The following SAE1 variants were observed in gnomAD, a reference collection of about 807,000 sequenced individuals.
SAE1 encodes SUMO-activating enzyme subunit 1.
SAE1 carries 11 observed loss-of-function variants against 40.6 expected under a neutral mutation model. The ratio of observed to expected loss-of-function variants is 0.27; its 90% CI spans 0.17 to 0.45. SAE1 has a LOEUF of 0.45. Among genes scored for constraint, SAE1 ranks in the 20% least tolerant of loss-of-function variants. The pLI is 1.00. For missense variants in SAE1, 373 were observed against 427.3 expected (o/e 0.87, Z 1.12); for synonymous variants, 155 against 154.3 (o/e 1.00, Z -0.03).
At chr19:47,143,360 C>T (rs1568586475) in intron 1 of SAE1, 134 bp from the exon 2 acceptor site, 1 of 650,454 alleles carries the variant, frequency 1.5e-6, no homozygotes. Flanking sequence ...CTATCTCAGC[C>T]TCCTAAAGTG....
intron 1 of SAE1, among the ~76,000 whole-genome samples, chr19:47,141,296 C>T (rs542954345): frequency 6.6e-6 from 1 of 152,300 alleles, no homozygotes; most frequent in Non-Finnish European, 1.5e-5. Context: ...GCCCCCACGC[C>T]TGGCCATAAT....
chr19:47,153,191 C>T (rs1333924211), intron 4 of SAE1, 151 bp downstream of exon 4: 2 of 615,474 alleles, frequency 3.2e-6, no homozygotes, highest in Non-Finnish European at 5.1e-6. Flanking sequence ...GATCCTCCCA[C>T]CTTGGCCTCC....
intron 1 of SAE1, among the ~76,000 whole-genome samples, chr19:47,134,986 A>G (rs1003840620): frequency 5.7e-4 from 87 of 152,088 alleles, no homozygotes; most frequent in African/African-American, 2.0e-3. Context: ...TAGAGAGTTT[A>G]TTAAAGTGTT....
intron 1 of SAE1, among the ~76,000 whole-genome samples, chr19:47,131,747 C>T (rs1053901704): frequency 7.5e-5 from 10 of 133,386 alleles, no homozygotes; most frequent in Non-Finnish European, 1.4e-4. Flanking sequence ...GTCGCCCAGG[C>T]TGGAGGGCAG....
At chr19:47,193,531 G>A (rs1348937749) in intron 6 of SAE1, among the ~76,000 whole-genome samples, 2 of 149,238 alleles carry the variant, frequency 1.3e-5, no homozygotes, top group Non-Finnish European at 3.0e-5. Context: ...TTTTTTTAAA[G>A]AAATTACCAG....
intron 6 of SAE1, among the ~76,000 whole-genome samples, chr19:47,178,595 T>TC (rs1219764766): frequency 1.3e-5 from 2 of 152,180 alleles, no homozygotes; most frequent in Non-Finnish European, 2.9e-5. Flanking sequence ...TGCCTCAGCC[T>TC]CCAAGTAGTG....
At chr19:47,165,997 TTC>T (rs1276768876) in intron 5 of SAE1, among the ~76,000 whole-genome samples, 1 of 152,228 alleles carries the variant, frequency 6.6e-6, no homozygotes, top group African/African-American at 2.4e-5. Context: ...CTGTGCCCAC[TTC>T]TGGCTGTCAC....
intron 5 of SAE1, among the ~76,000 whole-genome samples, chr19:47,157,330 T>A (rs2058330701): frequency 6.6e-6 from 1 of 152,194 alleles, no homozygotes; most frequent in African/African-American, 2.4e-5. Flanking sequence ...AATAGCTCCG[T>A]GAATTTGGTG....
Position 47,143,523 on chromosome 19 carries a change from G to T in SAE1, c.128G>T (p.Gly43Val). The part of the protein sequence containing the change: ...RLRASRVLLV[G>V]LKGLGAEIAK... ...CGGGCCTCTCGGGTGCTTCTTGTCG[G>T]CTTGAAAGGACTTGGGGCTGAAATT... Residue 43 changes from glycine (G) to valine (V), a missense_variant, in exon 2 of 9, where the codon GGC (glycine) becomes GTC (valine). Physicochemically the swap from Gly to Val is moderately radical, Grantham distance 109. Coordinates refer to ENST00000270225, the MANE Select transcript of SAE1 (RefSeq NM_005500.3). 6.2e-7 allele frequency: 1 copy of T among 1,614,078 alleles called. No homozygotes were observed. Among genetic ancestry groups the T allele is most frequent in the South Asian group, 1.1e-5 (1 of 91,086 alleles).
chr19:47,172,467 AT>A (rs1416956753), intron 6 of SAE1, among the ~76,000 whole-genome samples: 4 of 152,098 alleles, frequency 2.6e-5, no homozygotes. Flanking sequence ...AATGGCGCTA[AT>A]TTGCCAAGGT....
Position 47,150,315 on chromosome 19 carries a change from G to T in SAE1, c.324G>T (p.Val108=). The change falls in exon 3 of 9, where the codon GTG becomes GTT. Residue 108 remains valine, a synonymous_variant. Transcript: ENST00000270225. The part of the protein sequence containing the change: ...RAQNLNPMVD[V]KVDTEDIEKK... ...AGAATCTCAACCCCATGGTGGATGT[G>T]AAGGTGGACACTGAGGATATAGAGA... 1 of 1,613,830 alleles carries T rather than the reference G, an allele frequency of 6.2e-7. No homozygotes were observed. Among genetic ancestry groups the T allele is most frequent in the Non-Finnish European group, 8.5e-7 (1 of 1,179,850 alleles).
At chr19:47,161,063 A>C (rs1378614498) in intron 5 of SAE1, among the ~76,000 whole-genome samples, 1 of 152,030 alleles carries the variant, frequency 6.6e-6, no homozygotes, top group Non-Finnish European at 1.5e-5. Flanking sequence ...GTGCAGTGGC[A>C]CAAACACAGC....
intron 6 of SAE1, among the ~76,000 whole-genome samples, chr19:47,176,696 A>G (rs1218341973): frequency 6.6e-6 from 1 of 152,186 alleles, no homozygotes; most frequent in African/African-American, 2.4e-5. Flanking sequence ...TGCTGTCCGC[A>G]TGCATGTGCT....
chr19:47,198,493 G>T (rs1391169148), intron 7 of SAE1, among the ~76,000 whole-genome samples: 1 of 152,068 alleles, frequency 6.6e-6, no homozygotes, highest in Admixed American at 6.6e-5. Context: ...TCCTAAACTC[G>T]GCTTTGCAGT....
In SAE1 at chr19:47,137,731, T is replaced by TC. The variant is rs2058190678; in HGVS notation, c.99-5763_99-5762insC. On this transcript the variant is annotated intron_variant, in intron 1 of 8. Coordinates refer to ENST00000270225, the MANE Select transcript of SAE1 (RefSeq NM_005500.3). The stretch of plus-strand genomic sequence containing the variant: ...TGTGTGTGTGTGTGTGTGTGTGTTG[T>TC]TTTTTTTTTTTTTTTGTGATGGACT... 9.8e-5 allele frequency among the ~76,000 whole-genome samples: 9 copies of TC among 91,444 alleles called. No individual in the cohort carries two copies. In the South Asian group the frequency reaches 3.1e-3, roughly 32 times the overall value. The allele number at this position is 91,444 out of a possible 152,430, so 60.0% of individuals were successfully genotyped here. A position where few individuals can be genotyped will look rare whatever the true frequency, so the allele number is the denominator to read the frequency against.
At chr19:47,172,362 T>C (rs2058440009) in intron 6 of SAE1, among the ~76,000 whole-genome samples, 1 of 152,126 alleles carries the variant, frequency 6.6e-6, no homozygotes, top group Non-Finnish European at 1.5e-5. Context: ...GCACCAGCAG[T>C]AAGAGCAGAG....
chr19:47,156,611 C>T (rs913479191), intron 5 of SAE1, among the ~76,000 whole-genome samples: 1 of 151,174 alleles, frequency 6.6e-6, no homozygotes, highest in African/African-American at 2.4e-5. Context: ...CTCCACGTCC[C>T]AGGTTCAAGA....
intron 6 of SAE1, among the ~76,000 whole-genome samples, chr19:47,186,995 C>G (rs1386639595): frequency 6.6e-6 from 1 of 152,170 alleles, no homozygotes; most frequent in Non-Finnish European, 1.5e-5. Flanking sequence ...GGGTCCCCAC[C>G]ACAGCTAGCA....
chr19:47,204,324 AG>A (rs1316111310), intron 8 of SAE1, among the ~76,000 whole-genome samples: 5 of 149,578 alleles, frequency 3.3e-5, no homozygotes, highest in Admixed American at 6.8e-5. Context: ...TAGCCTTCCA[AG>A]TAGCTGGGAC....
Sources: allele counts gnomAD v4.1 joint callset (sites outside exome capture counted in the v4.1 genomes callset), GRCh38; gene constraint gnomAD v4.1.1; transcripts MANE v1.5; gene names NCBI Gene and HGNC (gene_info 2026-07-23, HGNC 2026-07-21).